The following PPP2R5C variants were observed in gnomAD, a reference collection of about 807,000 sequenced individuals.
PPP2R5C encodes the protein serine/threonine-protein phosphatase 2A 56 kDa regulatory subunit gamma isoform.
Under a neutral mutation model 68.9 loss-of-function variants are expected in PPP2R5C, and 7 were observed. The ratio of observed to expected loss-of-function variants is 0.10; its 90% CI spans 0.06 to 0.19. The LOEUF (loss-of-function observed/expected upper bound fraction) is 0.19, where lower values mean the gene tolerates loss of function less well. PPP2R5C is among the 10% of genes least tolerant of loss of function. PPP2R5C has a pLI of 1.00. For missense variants in PPP2R5C, 348 were observed against 641.3 expected, an observed-to-expected ratio of 0.54 and a Z score of 4.94; for synonymous variants, 210 against 222.2, an observed-to-expected ratio of 0.95 and a Z score of 0.49.
chr14:101,907,923 C>T (rs1413546143), intron 10 of PPP2R5C, among the ~76,000 whole-genome samples: 4 of 152,208 alleles, frequency 2.6e-5, no homozygotes, highest in Non-Finnish European at 5.9e-5. Context: ...CCCGAGCGAG[C>T]GTCCAGCCAG....
chr14:101,781,456 A>G lies in PPP2R5C; in HGVS notation c.94-4562A>G, dbSNP rs1254445049. Among the ~76,000 whole-genome samples, 1 of 151,380 alleles carries G rather than the reference A, an allele frequency of 6.6e-6. No individual in the cohort carries two copies. The highest frequency in any genetic ancestry group is 1.5e-5 in the Non-Finnish European group (1 of 67,774). ...GACCTCACTCCTGTTGTCGCTGCAGACCCGCGTGGGCTCCCGCCGGGCCCT... is the reference window on the plus strand; with the variant it reads ...GACCTCACTCCTGTTGTCGCTGCAGGCCCGCGTGGGCTCCCGCCGGGCCCT... On this transcript the variant is annotated intron_variant, in intron 2 of 14. Coordinates refer to the PPP2R5C transcript ENST00000328724. This position sits in a 1 kb window ranked among gnomAD's most constrained non-coding sequence, Gnocchi z 6.4.
intron 2 of PPP2R5C, among the ~76,000 whole-genome samples, chr14:101,875,621 A>G (rs2043716005): frequency 6.6e-6 from 1 of 152,176 alleles, no homozygotes; most frequent in African/African-American, 2.4e-5. Flanking sequence ...TGTTCTCTAG[A>G]TGATAGCTGA....
intron 5 of PPP2R5C, among the ~76,000 whole-genome samples, chr14:101,884,928 G>C (rs1475158648): frequency 6.6e-6 from 1 of 152,258 alleles, no homozygotes; most frequent in African/African-American, 2.4e-5. Flanking sequence ...AGAGGAAACA[G>C]TTCCTGTTGT....
chr14:101,800,611 T>C (rs1225830632), intron 3 of PPP2R5C, among the ~76,000 whole-genome samples: 1 of 150,204 alleles, frequency 6.7e-6, no homozygotes, highest in Non-Finnish European at 1.5e-5. Context: ...TTGTCACTTT[T>C]AATTACTCTG....
At chr14:101,773,777 C>G (rs1487035558) in intron 2 of PPP2R5C, among the ~76,000 whole-genome samples, 1 of 152,184 alleles carries the variant, frequency 6.6e-6, no homozygotes, top group African/African-American at 2.4e-5. Context: ...TCACTGCAGC[C>G]TTGAACTACT....
At position 101,858,316 on chromosome 14, in the gene PPP2R5C, C is replaced by T. The variant is rs555148621; in HGVS notation, c.294+1431C>T. Among the ~76,000 whole-genome samples the T allele has an allele frequency of 2.0e-5, 3 of 152,204 alleles. No homozygotes were observed. The East Asian group carries it at 5.8e-4, about 29-fold the overall frequency. On this transcript the variant is annotated intron_variant, in intron 2 of 13. Coordinates refer to ENST00000334743, the Ensembl canonical transcript of PPP2R5C. ...TTTCATAATTTTGTTTTGCGCATCA[C>T]ATTTTATAATCTTTTTTCTTTTAGG...
At chr14:101,793,727 C>T (rs1357049808) in intron 3 of PPP2R5C, among the ~76,000 whole-genome samples, 1 of 152,144 alleles carries the variant, frequency 6.6e-6, no homozygotes, top group Admixed American at 6.5e-5. Context: ...CTCATGGCAC[C>T]CAAGTTGTTG....
intron 3 of PPP2R5C, among the ~76,000 whole-genome samples, chr14:101,788,142 C>A (rs2038204678): frequency 6.6e-6 from 1 of 152,178 alleles, no homozygotes; most frequent in African/African-American, 2.4e-5. Flanking sequence ...CACTGTTGGG[C>A]CTTCATGTCC....
In PPP2R5C at chr14:101,832,745, G is replaced by A. The variant is rs145692041; in HGVS notation, c.94+22709G>A. On this transcript the variant is annotated intron_variant, in intron 1 of 13. Coordinates refer to ENST00000334743, the Ensembl canonical transcript of PPP2R5C. The stretch of plus-strand genomic sequence containing the variant: ...GCAGAAGGGTCCAGACTCCAGCAGC[G>A]TGAGTGACCCCTCTGTGTCCTCATC... Among the ~76,000 whole-genome samples the A allele has an allele frequency of 7.6e-3, 1,150 of 152,266 alleles. 21 individuals are homozygous for A. The highest frequency in any genetic ancestry group is 0.026 in the African/African-American group (1,063 of 41,550).
In PPP2R5C at chr14:101,857,320, C is replaced by G. The variant is rs559198286; in HGVS notation, c.294+435C>G. Among the ~76,000 whole-genome samples, 3 of 152,246 alleles carry G rather than the reference C, an allele frequency of 2.0e-5. No individual in the cohort carries two copies. In the South Asian group the frequency reaches 6.2e-4, roughly 32 times the overall value. On this transcript the variant is annotated intron_variant, in intron 2 of 13. Coordinates refer to ENST00000334743, the Ensembl canonical transcript of PPP2R5C. ...GATGGAGTTGAAATATTGACAGAAC[C>G]AAGCTGGTGTCAGAATAGTTCATGC...
At chr14:101,883,926 C>T (rs906190409) in intron 5 of PPP2R5C, among the ~76,000 whole-genome samples, 5 of 152,146 alleles carry the variant, frequency 3.3e-5, no homozygotes, top group Admixed American at 6.5e-5. Context: ...AAGGACAGGA[C>T]GCATAGGATA....
intron 2 of PPP2R5C, among the ~76,000 whole-genome samples, chr14:101,881,808 C>G (rs1017774063): frequency 6.6e-5 from 10 of 152,248 alleles, no homozygotes; most frequent in Non-Finnish European, 1.2e-4. Flanking sequence ...TTCTTACTCT[C>G]ATTTTGAGCA....
intron 2 of PPP2R5C, among the ~76,000 whole-genome samples, chr14:101,776,660 C>A (rs920558665): frequency 5.9e-5 from 9 of 152,160 alleles, no homozygotes; most frequent in Non-Finnish European, 8.8e-5. Context: ...AGAAAGTCCT[C>A]CTCACCCTAA....
At chr14:101,833,176 C>T (rs989192386) in intron 1 of PPP2R5C, among the ~76,000 whole-genome samples, 5 of 152,226 alleles carry the variant, frequency 3.3e-5, no homozygotes, top group African/African-American at 1.2e-4. Context: ...GTTGTTTACT[C>T]TCACGCCAAG....
chr14:101,917,459 A>G lies in PPP2R5C; in HGVS notation c.1327-372A>G, dbSNP rs928347964. On this transcript the variant is annotated intron_variant, in intron 12 of 13. Transcript: ENST00000334743. The surrounding 1 kb of genome is among the most constrained non-coding windows in gnomAD (Gnocchi z 4.4). ...TCGCTGGCAAAGAATGGGCGGCCAG[A>G]GGTGAGGGTTCCAGTGGTGAGACAG... Among the ~76,000 whole-genome samples the G allele has an allele frequency of 6.6e-6, 1 of 152,088 alleles. No individual in the cohort carries two copies. Among genetic ancestry groups the G allele is most frequent in the Admixed American group, 6.5e-5 (1 of 15,276 alleles).
intron 2 of PPP2R5C, chr14:101,765,499 T>G (rs2036805158): frequency 2.1e-6 from 1 of 485,422 alleles, no homozygotes; most frequent in Admixed American, 3.5e-5. Flanking sequence ...CTCTCAGTAT[T>G]ACTCTTAACT....
At chr14:101,787,501 T>C (rs151299721) in intron 3 of PPP2R5C, among the ~76,000 whole-genome samples, 3,593 of 152,096 alleles carry the variant, frequency 0.024, 53 homozygotes, top group South Asian at 0.038. Context: ...CAGTGGCTCA[T>C]GCCTGTAATC....
At chr14:101,807,169 T>A (rs1437395015), upstream of PPP2R5C, among the ~76,000 whole-genome samples, 6 of 143,826 alleles carry the variant, frequency 4.2e-5, no homozygotes, top group African/African-American at 1.7e-4. Flanking sequence ...TCTGGTATGA[T>A]GTTAAGACTT....
intron 10 of PPP2R5C, among the ~76,000 whole-genome samples, chr14:101,907,092 AT>A (rs1258137817): frequency 6.6e-6 from 1 of 152,232 alleles, no homozygotes; most frequent in Non-Finnish European, 1.5e-5. Flanking sequence ...TTACTGAGCA[AT>A]AGTCTTCTGA....
Sources: allele counts gnomAD v4.1 joint callset (sites outside exome capture counted in the v4.1 genomes callset), GRCh38; gene constraint gnomAD v4.1.1; non-coding constraint Gnocchi (gnomAD v3.1); transcripts MANE v1.5; gene names NCBI Gene and HGNC (gene_info 2026-07-23, HGNC 2026-07-21).